Variants in TRHDE observed in about 807,000 individuals in gnomAD.
The protein encoded by TRHDE is thyrotropin releasing hormone degrading enzyme, also known as thyrotropin-releasing hormone-degrading ectoenzyme.
Under a neutral mutation model 125.7 loss-of-function variants are expected in TRHDE, and 72 were observed. The observed-to-expected ratio is 0.57, with a 90% CI of 0.47 to 0.70. The LOEUF (loss-of-function observed/expected upper bound fraction) is 0.70, where lower values mean the gene tolerates loss of function less well. TRHDE is among the 30% of genes least tolerant of loss of function. The pLI is 0.00. For synonymous variants in TRHDE, 509 were observed against 509.1 expected (o/e 1.00, Z 0.00); for missense variants, 1,110 against 1,327.1 (o/e 0.84, Z 2.54).
intron 2 of TRHDE, chr12:72,255,639 T>A (rs1408532198): frequency 2.6e-5 from 4 of 152,196 alleles, no homozygotes; most frequent in Non-Finnish European, 4.4e-5. Flanking sequence ...CCCCGGGCTG[T>A]TCCGGGCAGT....
chr12:72,590,965 C>T (rs1871647263), intron 12 of TRHDE, among the ~76,000 whole-genome samples: 1 of 152,056 alleles, frequency 6.6e-6, no homozygotes, highest in Non-Finnish European at 1.5e-5. Context: ...CACACTGAGA[C>T]TGGGTAATAT....
chr12:72,427,996 A>G (rs1874263276), intron 3 of TRHDE, among the ~76,000 whole-genome samples: 1 of 152,168 alleles, frequency 6.6e-6, no homozygotes, highest in Non-Finnish European at 1.5e-5. Context: ...GACCTGTTTT[A>G]TAAAACTCCA....
At position 72,512,502 on chromosome 12, in the gene TRHDE, A is replaced by G. The variant is rs531800137; in HGVS notation, c.1722+12867A>G. 2.9e-5 allele frequency among the ~76,000 whole-genome samples: 4 copies of G among 138,962 alleles called. No individual in the cohort carries two copies. The South Asian group carries it at 8.5e-4, about 30-fold the overall frequency. The allele number at this position is 138,962 out of a possible 152,430, so 91.2% of individuals were successfully genotyped here. ...ATTATATAATAATAATATATTATAT[A>G]GTTATAATTATATTATATATAATAT... On this transcript the variant is annotated intron_variant, in intron 6 of 18. Transcript: ENST00000261180.
In TRHDE at chr12:72,273,493, G is replaced by A; in HGVS notation, c.850G>A (p.Ala284Thr). ...TTACAATCTGAAGATTATCTACAAC[G>A]CGCTCATCGAGAATGAGCTCCTGGG... ...RNYNLKIIYNALIENELLGFF... is the reference protein window; with the variant it reads ...RNYNLKIIYNTLIENELLGFF... Residue 284 changes from alanine (A) to threonine (T), a missense_variant, in exon 1 of 19, where the codon GCG becomes ACG. By Grantham distance (58) the Ala-to-Thr change is moderately conservative (BLOSUM62 0). Transcript: ENST00000261180. The surrounding 1 kb of genome is among the most constrained non-coding windows in gnomAD (Gnocchi z 5.3). 6.2e-7 allele frequency: 1 copy of A among 1,612,088 alleles called. No individual in the cohort carries two copies. Among genetic ancestry groups the A allele is most frequent in the East Asian group, 2.2e-5 (1 of 44,834 alleles).
intron 2 of TRHDE, among the ~76,000 whole-genome samples, chr12:72,134,219 CT>C (rs1875929923): frequency 6.6e-6 from 1 of 151,974 alleles, no homozygotes; most frequent in South Asian, 2.1e-4. Flanking sequence ...TTTTTTCCCC[CT>C]AAGTTCATTT....
chr12:72,662,994 T>G (rs1874974266), intron 18 of TRHDE, 58 bp from the exon 19 acceptor site: 1 of 1,513,632 alleles, frequency 6.6e-7, no homozygotes, highest in African/African-American at 1.4e-5. Flanking sequence ...TCATGTTTGT[T>G]GGACATGAGT....
intron 2 of TRHDE, among the ~76,000 whole-genome samples, chr12:72,116,065 T>C (rs946992929): frequency 1.3e-5 from 2 of 152,156 alleles, no homozygotes; most frequent in East Asian, 1.9e-4. Flanking sequence ...TCTGTGTCCA[T>C]GTGTTCTCAT....
intron 3 of TRHDE, among the ~76,000 whole-genome samples, chr12:72,453,265 A>G (rs1422160373): frequency 6.6e-6 from 1 of 152,224 alleles, no homozygotes; most frequent in Non-Finnish European, 1.5e-5. Flanking sequence ...AAGGTCACTT[A>G]TGTTTTGCCT....
chr12:72,399,914 G>A (rs1872967940), intron 3 of TRHDE, among the ~76,000 whole-genome samples: 2 of 152,040 alleles, frequency 1.3e-5, no homozygotes, highest in Non-Finnish European at 2.9e-5. Flanking sequence ...AGATGAATAA[G>A]CTATCAAGGG....
intron 17 of TRHDE, among the ~76,000 whole-genome samples, chr12:72,655,761 T>C (rs1225513952): frequency 6.6e-6 from 1 of 152,240 alleles, no homozygotes; most frequent in African/African-American, 2.4e-5. Context: ...AAAAAATTGT[T>C]ATTTGCCTGC....
At chr12:72,643,568 A>G (rs946036999) in intron 15 of TRHDE, among the ~76,000 whole-genome samples, 1 of 152,066 alleles carries the variant, frequency 6.6e-6, no homozygotes, top group Non-Finnish European at 1.5e-5. Context: ...AGGGTGGTCT[A>G]TCTGTTATTT....
At chr12:72,386,791 TGAGCTATCAG>T (rs1201237578) in intron 3 of TRHDE, among the ~76,000 whole-genome samples, 3 of 152,210 alleles carry the variant, frequency 2.0e-5, no homozygotes, top group Non-Finnish European at 4.4e-5. Flanking sequence ...GCCTTTATCT[TGAGCTATCAG>T]CGGCATCTGA....
intron 2 of TRHDE, among the ~76,000 whole-genome samples, chr12:72,108,583 G>C (rs903036796): frequency 1.3e-5 from 2 of 152,048 alleles, no homozygotes; most frequent in Non-Finnish European, 2.9e-5. Context: ...TGCATTAATG[G>C]AGGGCAATTA....
intron 3 of TRHDE, among the ~76,000 whole-genome samples, chr12:72,457,020 C>T (rs768470030): frequency 2.6e-5 from 4 of 152,034 alleles, no homozygotes; most frequent in Non-Finnish European, 5.9e-5. Flanking sequence ...TATAACAAAG[C>T]ATTAGGTACC....
Position 72,465,835 on chromosome 12 carries a change from G to A in TRHDE, c.1316-3923G>A, listed in dbSNP as rs537881827. On this transcript the variant is annotated intron_variant, in intron 3 of 18. Coordinates refer to ENST00000261180, the MANE Select transcript of TRHDE (RefSeq NM_013381.3). ...CAAAATCTAAGTTGCTTCAATACACGGTTATAAGGTTAGTAGCATACAATG... is the reference window on the plus strand; with the variant it reads ...CAAAATCTAAGTTGCTTCAATACACAGTTATAAGGTTAGTAGCATACAATG... Among the ~76,000 whole-genome samples the A allele has an allele frequency of 8.5e-5, 13 of 152,168 alleles. No individual in the cohort carries two copies. The South Asian group carries it at 2.3e-3, about 27-fold the overall frequency.
intron 2 of TRHDE, among the ~76,000 whole-genome samples, chr12:72,244,978 ATG>A (rs1878548769): frequency 6.6e-6 from 1 of 152,156 alleles, no homozygotes; most frequent in South Asian, 2.1e-4. Context: ...TGTGACAAGA[ATG>A]TGAAAGGCAT....
intron 5 of TRHDE, among the ~76,000 whole-genome samples, chr12:72,482,916 G>C (rs1352759958): frequency 1.3e-5 from 2 of 151,724 alleles, no homozygotes; most frequent in Non-Finnish European, 2.9e-5. Flanking sequence ...AACTTTTCTT[G>C]AAATTGTTGG....
At chr12:72,365,727 A>G (rs1482769613) in intron 2 of TRHDE, among the ~76,000 whole-genome samples, 2 of 152,180 alleles carry the variant, frequency 1.3e-5, no homozygotes, top group Admixed American at 6.5e-5. Flanking sequence ...ATTAACTGGC[A>G]AGAAGATAAG....
At chr12:72,537,025 C>T (rs559350299) in intron 6 of TRHDE, among the ~76,000 whole-genome samples, 1 of 151,986 alleles carries the variant, frequency 6.6e-6, no homozygotes, top group Non-Finnish European at 1.5e-5. Flanking sequence ...CATCTAAATT[C>T]GTTTAAATTA....
Sources: allele counts gnomAD v4.1 joint callset (sites outside exome capture counted in the v4.1 genomes callset), GRCh38; gene constraint gnomAD v4.1.1; non-coding constraint Gnocchi (gnomAD v3.1); transcripts MANE v1.5; gene names NCBI Gene and HGNC (gene_info 2026-07-23, HGNC 2026-07-21).